OXR1: variants seen among roughly 807,000 people sequenced by gnomAD.
OXR1 encodes the protein oxidation resistance protein 1.
A neutral mutation model predicts 104.6 loss-of-function variants in OXR1; 41 were observed. The ratio of observed to expected loss-of-function variants is 0.39; its 90% CI spans 0.31 to 0.51. The LOEUF (loss-of-function observed/expected upper bound fraction) is 0.51, where lower values mean the gene tolerates loss of function less well. Ranked by LOEUF, OXR1 falls within the 20% of genes least tolerant of loss-of-function variation. The pLI, the probability that OXR1 is intolerant of heterozygous loss-of-function variation, is 0.77. For missense variants in OXR1, 955 were observed against 1,031.9 expected (o/e 0.93, Z 1.02); for synonymous variants, 348 against 348.4 (o/e 1.00, Z 0.01).
At chr8:106,443,505 G>A (rs1006169111) in intron 2 of OXR1, among the ~76,000 whole-genome samples, 4 of 151,994 alleles carry the variant, frequency 2.6e-5, no homozygotes, top group African/African-American at 9.7e-5. Context: ...ACTGACAGTG[G>A]GGCATTAAAG....
At chr8:106,311,078 A>G (rs115388545) in intron 1 of OXR1, among the ~76,000 whole-genome samples, 5,216 of 151,734 alleles carry the variant, frequency 0.034, 302 homozygotes, top group African/African-American at 0.12. Flanking sequence ...CAGTCTTCTA[A>G]TTTTCTTATT....
chr8:106,749,190 A>G (rs1268842929), intron 16 of OXR1, among the ~76,000 whole-genome samples: 1 of 151,840 alleles, frequency 6.6e-6, no homozygotes, highest in African/African-American at 2.4e-5. Flanking sequence ...AAAAACAGAA[A>G]AAATTAGCCG....
chr8:106,721,157 G>A (rs1020336304), intron 11 of OXR1, among the ~76,000 whole-genome samples: 3 of 151,808 alleles, frequency 2.0e-5, no homozygotes, highest in Non-Finnish European at 2.9e-5. Flanking sequence ...GGCCTCAAAG[G>A]TGGAGCTTTT....
intron 12 of OXR1, among the ~76,000 whole-genome samples, chr8:106,738,381 T>G (rs1483444723): frequency 6.6e-6 from 1 of 152,066 alleles, no homozygotes; most frequent in African/African-American, 2.4e-5. Context: ...AGAATGAGTA[T>G]TTAGCTTCTT....
rs562959605 is a variant in OXR1, at chr8:106,339,492, C to CAAA, written c.-138-19958_-138-19956dup. 5.3e-4 allele frequency among the ~76,000 whole-genome samples: 4 copies of CAAA among 7,584 alleles called. 1 individual carries two copies. The highest frequency in any genetic ancestry group is 7.4e-4 in the Non-Finnish European group (4 of 5,384). The allele number at this position is 7,584 out of a possible 152,430, so 5.0% of individuals were successfully genotyped here. On this transcript the variant is annotated intron_variant, in intron 1 of 16. Transcript: ENST00000517566. ...CCTGGGAACAGAGCGAGACTCCATCCAAAAAAAAAAAAAAAAAAAAAAAAA... is the reference window on the plus strand; with the variant it reads ...CCTGGGAACAGAGCGAGACTCCATCCAAAAAAAAAAAAAAAAAAAAAAAAAAAA...
chr8:106,467,658 G>T (rs1432724364), intron 2 of OXR1, among the ~76,000 whole-genome samples: 2 of 151,814 alleles, frequency 1.3e-5, no homozygotes, highest in African/African-American at 4.8e-5. Context: ...GATTGTTCCT[G>T]GCAAATACAC....
chr8:106,659,383 CCTTA>C (rs1825514225), intron 3 of OXR1, among the ~76,000 whole-genome samples: 1 of 152,102 alleles, frequency 6.6e-6, no homozygotes, highest in Non-Finnish European at 1.5e-5. Context: ...AATAAATTTT[CCTTA>C]CTTTACATAA....
intron 3 of OXR1, among the ~76,000 whole-genome samples, chr8:106,614,833 T>G (rs1265213536): frequency 1.3e-5 from 2 of 152,162 alleles, no homozygotes; most frequent in Non-Finnish European, 2.9e-5. Flanking sequence ...GTGTGTATGG[T>G]TTTATAACTC....
chr8:106,337,758 G>A (rs1254715536), intron 1 of OXR1, among the ~76,000 whole-genome samples: 2 of 152,172 alleles, frequency 1.3e-5, no homozygotes, highest in Admixed American at 1.3e-4. Context: ...AACAAAGAAA[G>A]TGGAAGTATA....
intron 2 of OXR1, among the ~76,000 whole-genome samples, chr8:106,448,554 C>A (rs1053934179): frequency 6.6e-6 from 1 of 151,640 alleles, no homozygotes; most frequent in African/African-American, 2.4e-5. Flanking sequence ...TTGAAAAAAA[C>A]AAAATCATGA....
intron 3 of OXR1, among the ~76,000 whole-genome samples, chr8:106,671,769 G>A (rs973736788): frequency 4.2e-5 from 6 of 141,418 alleles, no homozygotes; most frequent in Non-Finnish European, 7.6e-5. Context: ...ATTGAAGAAC[G>A]AGAACACTTG....
chr8:106,599,402 T>G (rs1033339273), intron 3 of OXR1, among the ~76,000 whole-genome samples: 6 of 152,172 alleles, frequency 3.9e-5, no homozygotes, highest in African/African-American at 1.2e-4. Context: ...TTAGAGAGAC[T>G]TCTTACTATA....
At chr8:106,445,973 G>A (rs1387337124) in intron 2 of OXR1, among the ~76,000 whole-genome samples, 1 of 152,152 alleles carries the variant, frequency 6.6e-6, no homozygotes, top group Non-Finnish European at 1.5e-5. Context: ...GCCTTACAAT[G>A]TTTTTCAGAC....
intron 11 of OXR1, chr8:106,726,088 G>GTGAT: frequency 8.3e-7 from 1 of 1,203,180 alleles, no homozygotes; most frequent in East Asian, 2.9e-5. Flanking sequence ...TTAGTGATTA[G>GTGAT]CTCTCTCTCT....
At chr8:106,598,628 A>C (rs1274970738) in intron 3 of OXR1, among the ~76,000 whole-genome samples, 2 of 152,258 alleles carry the variant, frequency 1.3e-5, no homozygotes, top group Non-Finnish European at 2.9e-5. Context: ...TAAGCTGTAT[A>C]GTAATTCTAA....
intron 1 of OXR1, among the ~76,000 whole-genome samples, chr8:106,299,421 G>A (rs1406397826): frequency 6.6e-6 from 1 of 152,074 alleles, no homozygotes; most frequent in Non-Finnish European, 1.5e-5. Flanking sequence ...TAGCACATTA[G>A]AGTGATACAC....
chr8:106,604,128 A>T (rs1820183422), intron 3 of OXR1, among the ~76,000 whole-genome samples: 1 of 152,198 alleles, frequency 6.6e-6, no homozygotes, highest in African/African-American at 2.4e-5. Context: ...AAAACTTTTT[A>T]AAAAGCAGGT....
At chr8:106,567,845 C>T (rs1455563592) in intron 3 of OXR1, among the ~76,000 whole-genome samples, 16 of 152,060 alleles carry the variant, frequency 1.1e-4, no homozygotes, top group Non-Finnish European at 1.6e-4. Flanking sequence ...TTGCATGAAG[C>T]GATCTATCTG....
intron 11 of OXR1, among the ~76,000 whole-genome samples, chr8:106,723,346 A>G (rs1208291571): frequency 1.3e-5 from 2 of 151,972 alleles, no homozygotes; most frequent in Non-Finnish European, 2.9e-5. Flanking sequence ...AAAATAAAAT[A>G]CAATAGCCAG....
Sources: allele counts gnomAD v4.1 joint callset (sites outside exome capture counted in the v4.1 genomes callset), GRCh38; gene constraint gnomAD v4.1.1; transcripts MANE v1.5; gene names NCBI Gene and HGNC (gene_info 2026-07-23, HGNC 2026-07-21).